The following DPYD variants were observed in gnomAD, a reference collection of about 807,000 sequenced individuals.
DPYD encodes the protein dihydropyrimidine dehydrogenase [NADP(+)].
Under a neutral mutation model 116.2 loss-of-function variants are expected in DPYD, and 109 were observed. The ratio of observed to expected loss-of-function variants is 0.94; its 90% CI spans 0.80 to 1.10. The LOEUF is 1.10. DPYD is among the 50% of genes least tolerant of loss of function. DPYD has a pLI of 0.00. For synonymous variants in DPYD, 440 were observed against 432.0 expected (o/e 1.02, Z -0.23); for missense variants, 1,302 against 1,254.5 (o/e 1.04, Z -0.57).
chr1:97,402,872 T>C (rs1673447868), intron 14 of DPYD, among the ~76,000 whole-genome samples: 1 of 152,060 alleles, frequency 6.6e-6, no homozygotes, highest in Non-Finnish European at 1.5e-5. Context: ...TAAAATCATG[T>C]GATTTTTCTT....
At chr1:97,483,568 T>C (rs1678442588) in intron 13 of DPYD, among the ~76,000 whole-genome samples, 1 of 151,928 alleles carries the variant, frequency 6.6e-6, no homozygotes, top group Non-Finnish European at 1.5e-5. Flanking sequence ...AAGTGATGGG[T>C]TGTTAGGTGC....
At chr1:97,121,180 G>A (rs1280456609) in intron 20 of DPYD, among the ~76,000 whole-genome samples, 2 of 152,110 alleles carry the variant, frequency 1.3e-5, no homozygotes, top group South Asian at 2.1e-4. Flanking sequence ...GAGGGGTGGA[G>A]CCCCTGAGCA....
chr1:97,361,147 C>G (rs1045330890), intron 16 of DPYD, among the ~76,000 whole-genome samples: 1 of 152,046 alleles, frequency 6.6e-6, no homozygotes, highest in Admixed American at 6.6e-5. Context: ...CACAGAAATA[C>G]AAACCACCAT....
At chr1:97,893,704 A>C (rs1672897500) in intron 1 of DPYD, among the ~76,000 whole-genome samples, 1 of 151,556 alleles carries the variant, frequency 6.6e-6, no homozygotes, top group Non-Finnish European at 1.5e-5. Context: ...AGTTAACACA[A>C]ATAGTTTACA....
intron 12 of DPYD, among the ~76,000 whole-genome samples, chr1:97,517,161 T>C (rs1472522078): frequency 1.3e-5 from 2 of 152,028 alleles, no homozygotes; most frequent in African/African-American, 2.4e-5. Flanking sequence ...CTCTGGTACA[T>C]GCAAAGAGAT....
intron 4 of DPYD, among the ~76,000 whole-genome samples, chr1:97,722,345 T>C (rs915630854): frequency 3.3e-5 from 5 of 151,458 alleles, no homozygotes; most frequent in Non-Finnish European, 7.4e-5. Context: ...TTTTATGATA[T>C]ACTGGAACAG....
At chr1:97,582,759 C>T (rs2811207) in intron 10 of DPYD, among the ~76,000 whole-genome samples, 2,333 of 152,190 alleles carry the variant, frequency 0.015, 52 homozygotes, top group African/African-American at 0.053. Context: ...GAATCTTGAA[C>T]ATAAAGAAAC....
At chr1:97,719,060 T>C (rs747415657) in intron 5 of DPYD, among the ~76,000 whole-genome samples, 2 of 147,846 alleles carry the variant, frequency 1.4e-5, no homozygotes, top group Non-Finnish European at 3.0e-5. Flanking sequence ...GTTTACTACA[T>C]GAACACACCA....
chr1:97,283,818 G>A (rs560301934), intron 18 of DPYD, among the ~76,000 whole-genome samples: 7 of 152,210 alleles, frequency 4.6e-5, no homozygotes, highest in African/African-American at 9.6e-5. Context: ...GAAAGCAATT[G>A]TTTGTGTGTC....
chr1:97,109,024 A>G (rs903888936), intron 20 of DPYD, among the ~76,000 whole-genome samples: 2 of 152,158 alleles, frequency 1.3e-5, no homozygotes, highest in African/African-American at 4.8e-5. Flanking sequence ...TAGCTGAATG[A>G]CCTGGGGCAA....
chr1:97,800,365 T>C (rs1302035886), intron 3 of DPYD, among the ~76,000 whole-genome samples: 1 of 151,942 alleles, frequency 6.6e-6, no homozygotes. Context: ...TCTTCCATCA[T>C]GCCTTTCTTA....
chr1:97,398,719 T>C (rs1321574691), intron 14 of DPYD, among the ~76,000 whole-genome samples: 2 of 152,244 alleles, frequency 1.3e-5, no homozygotes, highest in African/African-American at 4.8e-5. Context: ...TTTTTTCATT[T>C]GTCTGATGGC....
intron 5 of DPYD, chr1:97,720,684 C>T (rs1662872982): frequency 7.3e-7 from 1 of 1,377,316 alleles, no homozygotes; most frequent in Non-Finnish European, 9.4e-7. Flanking sequence ...GCTGACAAAA[C>T]CAGATCAGTA....
At chr1:97,195,354 A>T (rs1442203753) in intron 19 of DPYD, among the ~76,000 whole-genome samples, 2 of 151,696 alleles carry the variant, frequency 1.3e-5, no homozygotes, top group Non-Finnish European at 2.9e-5. Context: ...ACAGAATAAT[A>T]AGATTCTATT....
intron 14 of DPYD, among the ~76,000 whole-genome samples, chr1:97,422,466 G>C (rs577489113): frequency 6.6e-6 from 1 of 152,274 alleles, no homozygotes; most frequent in Admixed American, 6.5e-5. Context: ...ACTGACCTAG[G>C]AGAAGACCAA....
At chr1:97,208,975 T>C (rs1659858360) in intron 19 of DPYD, among the ~76,000 whole-genome samples, 1 of 152,130 alleles carries the variant, frequency 6.6e-6, no homozygotes, top group Admixed American at 6.6e-5. Context: ...TGTGTGTGTG[T>C]TCCATATTGA....
chr1:97,832,989 G>C (rs575914507), intron 2 of DPYD, among the ~76,000 whole-genome samples: 1 of 142,820 alleles, frequency 7.0e-6, no homozygotes, highest in African/African-American at 2.6e-5. Flanking sequence ...GGTGGAAAGA[G>C]GCAAAGAAAA....
At chr1:97,603,378 A>G (rs560147833) in intron 8 of DPYD, among the ~76,000 whole-genome samples, 40 of 152,138 alleles carry the variant, frequency 2.6e-4, no homozygotes, top group Non-Finnish European at 5.0e-4. Flanking sequence ...AGTAATCTCA[A>G]CAGCAGGAAA....
intron 20 of DPYD, among the ~76,000 whole-genome samples, chr1:97,119,897 A>C (rs188503425): frequency 1.8e-3 from 272 of 152,284 alleles, no homozygotes; most frequent in African/African-American, 6.4e-3. Context: ...AACAAAACAA[A>C]GCCAGTGCTT....
Sources: gnomAD v4.1 joint callset for allele counts (sites outside exome capture counted in the v4.1 genomes callset) on GRCh38, gnomAD v4.1.1 for gene constraint, MANE v1.5 for transcripts, NCBI Gene and HGNC (gene_info 2026-07-23, HGNC 2026-07-21) for gene names.